The following MTSS1 variants were observed in gnomAD, a reference collection of about 807,000 sequenced individuals.
MTSS1 encodes the protein MTSS I-BAR domain containing 1, also known as protein MTSS 1.
A neutral mutation model predicts 79.0 loss-of-function variants in MTSS1; 18 were observed. The observed-to-expected ratio is 0.23, with a 90% CI of 0.16 to 0.34. The LOEUF (loss-of-function observed/expected upper bound fraction) is 0.34. MTSS1 is among the 10% of genes least tolerant of loss of function. MTSS1 has a pLI of 1.00. For missense variants in MTSS1, 815 were observed against 986.2 expected (o/e 0.83, Z 2.33); for synonymous variants, 341 against 368.6 (o/e 0.93, Z 0.86).
At chr8:124,673,633 G>A (rs967955134) in intron 3 of MTSS1, 3 of 152,118 alleles carry the variant, frequency 2.0e-5, no homozygotes, top group Non-Finnish European at 2.9e-5. Flanking sequence ...GATGGGCCGC[G>A]TCAATTTATG....
intron 5 of MTSS1, 61 bp from the exon 6 acceptor site, chr8:124,585,222 T>C (rs917692511): frequency 8.2e-7 from 1 of 1,215,524 alleles, no homozygotes; most frequent in Non-Finnish European, 1.2e-6. Context: ...ATATGTTAGG[T>C]AGGAAACAGC....
At position 124,553,785 on chromosome 8, in the gene MTSS1, G is replaced by T; in HGVS notation, c.1568-93C>A. 1 of 1,121,248 alleles carries T rather than the reference G, an allele frequency of 8.9e-7. No individual in the cohort carries two copies. Among genetic ancestry groups the T allele is most frequent in the Non-Finnish European group, 1.3e-6 (1 of 794,554 alleles). 69.5% of individuals were successfully genotyped at this position (1,121,248 alleles called of 1,614,324 possible). A position where few individuals can be genotyped will look rare whatever the true frequency, so the allele number is the denominator to read the frequency against. On this transcript the variant is annotated intron_variant, in intron 13 of 13. Transcript: ENST00000518547. This position sits in a 1 kb window ranked among gnomAD's most constrained non-coding sequence, Gnocchi z 6.0. ...GAGGACAAAAGGCACGCAAGGCAGG[G>T]TACACACACAGTCTCATCCCAAGCT...
chr8:124,572,860 C>T lies in MTSS1; in HGVS notation c.461-4324G>A, dbSNP rs557511428. ...CTGCCAGGTTCAAGAGATTCTCTTG[C>T]CTTAGCCACCCAAGTAGCTGGGATT... is the stretch of plus-strand genomic sequence containing the variant. On this transcript the variant is annotated intron_variant, in intron 6 of 13. Coordinates refer to ENST00000518547, the MANE Select transcript of MTSS1 (RefSeq NM_014751.6). Among the ~76,000 whole-genome samples, 110 of 148,602 alleles carry T rather than the reference C, an allele frequency of 7.4e-4. No individual in the cohort carries two copies. In the South Asian group the frequency reaches 0.024, roughly 32 times the overall value.
chr8:124,695,366 A>T (rs1828635150), intron 3 of MTSS1, among the ~76,000 whole-genome samples: 1 of 152,158 alleles, frequency 6.6e-6, no homozygotes, highest in African/African-American at 2.4e-5. Context: ...AAAGGCTGTA[A>T]GCAAGGGAGT....
intron 2 of MTSS1, 126 bp from the exon 3 acceptor site, chr8:124,699,725 C>A: frequency 2.4e-6 from 2 of 819,472 alleles, no homozygotes; most frequent in Non-Finnish European, 3.9e-6. Flanking sequence ...CTCAACTGAG[C>A]ATGGACAACC....
chr8:124,685,502 T>C (rs1587799746), intron 3 of MTSS1, among the ~76,000 whole-genome samples: 1 of 152,208 alleles, frequency 6.6e-6, no homozygotes, highest in East Asian at 1.9e-4. Context: ...CCTAAGCCCC[T>C]CAAGGAGGAA....
At chr8:124,702,127 A>G (rs1829786232) in intron 2 of MTSS1, among the ~76,000 whole-genome samples, 1 of 152,228 alleles carries the variant, frequency 6.6e-6, no homozygotes, top group South Asian at 2.1e-4. Flanking sequence ...CACTGATAAA[A>G]GGGGAAGATA....
At chr8:124,588,177 T>C (rs1270837189) in intron 5 of MTSS1, among the ~76,000 whole-genome samples, 1 of 152,184 alleles carries the variant, frequency 6.6e-6, no homozygotes, top group Non-Finnish European at 1.5e-5. Context: ...CATAGAATGA[T>C]TTTCATGATA....
chr8:124,658,694 C>T (rs1821438266), intron 3 of MTSS1, among the ~76,000 whole-genome samples: 1 of 152,122 alleles, frequency 6.6e-6, no homozygotes, highest in African/African-American at 2.4e-5. Context: ...GTGCCACACA[C>T]TTCTAAACAA....
chr8:124,623,569 A>C (rs1158072186), intron 3 of MTSS1, among the ~76,000 whole-genome samples: 1 of 152,234 alleles, frequency 6.6e-6, no homozygotes, highest in African/African-American at 2.4e-5. Flanking sequence ...GTCCAATTTA[A>C]GCATTTGGCC....
At chr8:124,580,530 G>T (rs1349083488) in intron 6 of MTSS1, 3 of 1,535,916 alleles carry the variant, frequency 2.0e-6, no homozygotes, top group Non-Finnish European at 2.6e-6. Context: ...AGCCACCAGA[G>T]ATTTGGGATG....
intron 3 of MTSS1, among the ~76,000 whole-genome samples, chr8:124,622,064 G>GAA (rs199977807): frequency 5.6e-5 from 7 of 125,298 alleles, no homozygotes; most frequent in South Asian, 2.4e-4. Context: ...AAGAGAAAGA[G>GAA]AGAGAGAGAG....
intron 3 of MTSS1, among the ~76,000 whole-genome samples, chr8:124,614,103 G>A (rs1246934974): frequency 1.4e-5 from 2 of 146,236 alleles, no homozygotes; most frequent in African/African-American, 5.0e-5. Context: ...GGCTGAGGCT[G>A]TAATGAGCCA....
At chr8:124,588,589 C>T (rs182920439) in intron 5 of MTSS1, among the ~76,000 whole-genome samples, 15 of 152,332 alleles carry the variant, frequency 9.8e-5, no homozygotes, top group South Asian at 2.1e-4. Context: ...CCTGGGACAA[C>T]GCACAAAGAG....
At chr8:124,641,246 G>A (rs1817991893) in intron 3 of MTSS1, among the ~76,000 whole-genome samples, 1 of 152,132 alleles carries the variant, frequency 6.6e-6, no homozygotes, top group African/African-American at 2.4e-5. Context: ...AGTGCAGGCT[G>A]GTTAAGAGAG....
In MTSS1 at chr8:124,556,221, A is replaced by C. The variant is rs1231251977; in HGVS notation, c.1404+11T>G. On this transcript the variant is annotated intron_variant, in intron 12 of 13. Coordinates refer to ENST00000518547, the MANE Select transcript of MTSS1 (RefSeq NM_014751.6). ...GTGGCCCCAACCAGCTACTGAGAACAAGAGCATCACCCTGGTGGCAGCCGA... is the reference window on the plus strand; with the variant it reads ...GTGGCCCCAACCAGCTACTGAGAACCAGAGCATCACCCTGGTGGCAGCCGA... 1 of 1,614,072 alleles carries C rather than the reference A, an allele frequency of 6.2e-7. No individual in the cohort carries two copies. Among genetic ancestry groups the C allele is most frequent in the African/African-American group, 1.3e-5 (1 of 74,930 alleles).
chr8:124,722,365 C>T (rs954500031), intron 1 of MTSS1, among the ~76,000 whole-genome samples: 16 of 152,146 alleles, frequency 1.1e-4, no homozygotes, highest in African/African-American at 3.9e-4. Flanking sequence ...GGGAAGCAGG[C>T]GAGATGAGAG....
At chr8:124,690,705 T>C (rs1827800281) in intron 3 of MTSS1, among the ~76,000 whole-genome samples, 2 of 152,100 alleles carry the variant, frequency 1.3e-5, no homozygotes, top group African/African-American at 2.4e-5. Flanking sequence ...AAAAGAGCAA[T>C]GGGATTAGAA....
chr8:124,563,097 A>T, intron 9 of MTSS1, 105 bp from the exon 10 acceptor site: 1 of 971,534 alleles, frequency 1.0e-6, no homozygotes, highest in East Asian at 2.6e-5. Flanking sequence ...CAGAAGAGAG[A>T]GAAGCACAAC....
Sources: gnomAD v4.1 joint callset for allele counts (sites outside exome capture counted in the v4.1 genomes callset) on GRCh38, gnomAD v4.1.1 for gene constraint, Gnocchi (gnomAD v3.1) non-coding constraint, MANE v1.5 for transcripts, NCBI Gene and HGNC (gene_info 2026-07-23, HGNC 2026-07-21) for gene names.